Variants in ADAMTSL2 observed in about 807,000 individuals in gnomAD.
The protein encoded by ADAMTSL2 is ADAMTS-like protein 2.
In ADAMTSL2, 55 loss-of-function variants were observed where a neutral mutation model predicts 117.0. The observed-to-expected ratio is 0.47, with a 90% confidence interval of 0.38 to 0.59. The LOEUF is 0.59. Ranked by LOEUF, ADAMTSL2 falls within the 20% of genes least tolerant of loss-of-function variation. ADAMTSL2 has a pLI of 0.00. For missense variants in ADAMTSL2, 1,182 were observed against 1,354.5 expected, an observed-to-expected ratio of 0.87 and a Z score of 2.00; for synonymous variants, 572 against 566.4, an observed-to-expected ratio of 1.01 and a Z score of -0.14.
At chr9:133,570,264 C>G in intron 16 of ADAMTSL2, 67 bp from the exon 17 acceptor site, 1 of 1,516,382 alleles carries the variant, frequency 6.6e-7, no homozygotes, top group Non-Finnish European at 8.8e-7. Flanking sequence ...CCAGAGTCGC[C>G]GTGGGCCCTG....
Position 133,539,540 on chromosome 9 carries a change from G to A in ADAMTSL2, c.310-231G>A, listed in dbSNP as rs36138904. On this transcript the variant is annotated intron_variant, in intron 4 of 18. Coordinates refer to ENST00000651351, the MANE Select transcript of ADAMTSL2 (RefSeq NM_014694.4). ...TGGGAGGGTTGTGTCTAGAGTAGGC[G>A]GAGGGCTGGCGTGGGGGGCGGAGCT... 1.3e-4 allele frequency among the ~76,000 whole-genome samples: 18 copies of A among 141,278 alleles called. No homozygotes were observed. In the East Asian group the frequency reaches 2.7e-3, roughly 21 times the overall value. The allele number at this position is 141,278 out of a possible 152,430, so 92.7% of individuals were successfully genotyped here.
intron 12 of ADAMTSL2, among the ~76,000 whole-genome samples, chr9:133,563,834 A>G (rs1588301923): frequency 1.2e-4 from 11 of 91,774 alleles, no homozygotes; most frequent in African/African-American, 3.2e-4. Flanking sequence ...AGAGAGAGAG[A>G]GAGAGAGAGG....
chr9:133,554,675 A>G lies in ADAMTSL2; in HGVS notation c.1258A>G (p.Arg420Gly). Residue 420 changes from arginine to glycine, a missense_variant, in exon 10 of 19, where the codon AGG becomes GGG. Arg to Gly is a moderately radical substitution (Grantham distance 125, BLOSUM62 -2). Transcript: ENST00000651351. This position sits in a 1 kb window ranked among gnomAD's most constrained non-coding sequence, Gnocchi z 5.2. ...AGGGACEGPP[R>G]GKGFRDRNVT... The stretch of plus-strand genomic sequence containing the variant: ...CGGCGGGGCCTGCGAGGGGCCCCCC[A>G]GGGGCAAGGGCTTCCGAGGTAACCA... 5 of 1,507,732 alleles carry G rather than the reference A, an allele frequency of 3.3e-6. No homozygotes were observed. Among genetic ancestry groups the G allele is most frequent in the Admixed American group, 2.2e-5 (1 of 44,658 alleles). 93.4% of individuals were successfully genotyped at this position (1,507,732 alleles called of 1,614,324 possible). A position where few individuals can be genotyped will look rare whatever the true frequency, so the allele number is the denominator to read the frequency against.
In ADAMTSL2 at chr9:133,569,451, A is replaced by G; in HGVS notation, c.2288A>G (p.Tyr763Cys). 1 of 1,613,608 alleles carries G rather than the reference A, an allele frequency of 6.2e-7. No homozygotes were observed. The highest frequency in any genetic ancestry group is 8.5e-7 in the Non-Finnish European group (1 of 1,180,022). The stretch of plus-strand genomic sequence containing the variant: ...CAAGGCCGCACCATCAGGCACGTGT[A>G]CTGCAAGACCAGCGACGGACGGGTA... ...CGQGRTIRHV[Y>C]CKTSDGRVVP... Residue 763 changes from tyrosine to cysteine, a missense_variant, in exon 16 of 19, where the codon TAC becomes TGC. By Grantham distance (194) the Tyr-to-Cys change is radical (BLOSUM62 -2). Transcript: ENST00000651351.
At chr9:133,568,037 C>T (rs1025873686) in intron 13 of ADAMTSL2, among the ~76,000 whole-genome samples, 8 of 152,254 alleles carry the variant, frequency 5.3e-5, no homozygotes, top group Non-Finnish European at 1.0e-4. Flanking sequence ...CGAGCCCACG[C>T]TCAGGGCACC....
At chr9:133,551,715 T>C (rs1830487463) in intron 9 of ADAMTSL2, among the ~76,000 whole-genome samples, 1 of 151,930 alleles carries the variant, frequency 6.6e-6, no homozygotes, top group Admixed American at 6.6e-5. Flanking sequence ...TCCTATAGGA[T>C]CTGCCAGGTC....
intron 5 of ADAMTSL2, 77 bp from the exon 6 acceptor site, chr9:133,540,517 CAGAG>C: frequency 6.4e-7 from 1 of 1,554,906 alleles, no homozygotes; most frequent in East Asian, 2.3e-5. Context: ...GGAGCTGTCT[CAGAG>C]GGAGGAAAAG....
At position 133,573,996 on chromosome 9, in the gene ADAMTSL2, CG is replaced by C. The variant is rs1831170586; in HGVS notation, c.2737+13del. Reference sequence around the variant, plus strand: ...CCCCACGGAGCCCCCAGGTGAGGCGCGGGGAGGCCGAGGGTGGCTCTGGGAA... The same window carrying C: ...CCCCACGGAGCCCCCAGGTGAGGCGCGGGAGGCCGAGGGTGGCTCTGGGAA... On this transcript the variant is annotated intron_variant, in intron 18 of 18. Coordinates refer to ENST00000651351, the MANE Select transcript of ADAMTSL2 (RefSeq NM_014694.4). 1.2e-6 allele frequency: 2 copies of C among 1,610,074 alleles called. No individual in the cohort carries two copies. The highest frequency in any genetic ancestry group is 1.7e-6 in the Non-Finnish European group (2 of 1,178,524).
intron 6 of ADAMTSL2, 21 bp downstream of exon 6, chr9:133,540,764 A>G (rs370986439): frequency 1.3e-4 from 209 of 1,613,502 alleles, no homozygotes; most frequent in Non-Finnish European, 1.7e-4. Flanking sequence ...GTTGTAGCAA[A>G]AGTACCGCCG....
chr9:133,568,205 G>C, intron 13 of ADAMTSL2, 68 bp from the exon 14 acceptor site: 2 of 1,480,834 alleles, frequency 1.4e-6, no homozygotes, highest in Non-Finnish European at 1.8e-6. Flanking sequence ...TGTCTCTGGG[G>C]GTGTGGGTTG....
Position 133,537,558 on chromosome 9 carries a change from G to T in ADAMTSL2, c.233+11G>T. 1 of 1,344,188 alleles carries T rather than the reference G, an allele frequency of 7.4e-7. No individual in the cohort carries two copies. The highest frequency in any genetic ancestry group is 2.5e-5 in the South Asian group (1 of 40,202). 83.3% of individuals were successfully genotyped at this position (1,344,188 alleles called of 1,614,324 possible). ...CTGCCTGCAGCAGAGGTGCGAGGTT[G>T]GGCACGTGGCCCTGAGGGGATGGCA... On this transcript the variant is annotated intron_variant, in intron 3 of 18. Coordinates refer to ENST00000651351, the MANE Select transcript of ADAMTSL2 (RefSeq NM_014694.4).
intron 9 of ADAMTSL2, among the ~76,000 whole-genome samples, chr9:133,547,532 C>T (rs1395351530): frequency 6.6e-6 from 1 of 152,260 alleles, no homozygotes; most frequent in Non-Finnish European, 1.5e-5. Context: ...TCACCCACTT[C>T]TTGAAATCAT....
At chr9:133,573,762 G>A in intron 17 of ADAMTSL2, 81 bp from the exon 18 acceptor site, 1 of 1,561,978 alleles carries the variant, frequency 6.4e-7, no homozygotes, top group Non-Finnish European at 8.8e-7. Context: ...GGAAGGGGGA[G>A]TGTGCAGGTT....
At chr9:133,570,584 C>T in intron 17 of ADAMTSL2, 77 bp downstream of exon 17, 1 of 1,486,016 alleles carries the variant, frequency 6.7e-7, no homozygotes. Context: ...CGCCTCAAGC[C>T]TCCTTAAGTG....
intron 12 of ADAMTSL2, among the ~76,000 whole-genome samples, chr9:133,566,207 C>G (rs1830969384): frequency 6.6e-6 from 1 of 152,174 alleles, no homozygotes; most frequent in Non-Finnish European, 1.5e-5. Flanking sequence ...TTTGGGAGGC[C>G]AAGGCGGGCG....
At chr9:133,561,123 C>T (rs1386370584) in intron 11 of ADAMTSL2, 75 bp from the exon 12 acceptor site, 1 of 1,318,498 alleles carries the variant, frequency 7.6e-7, no homozygotes, top group Non-Finnish European at 1.1e-6. Context: ...AGAAAACTCC[C>T]TCGCCTGAAA....
Position 133,542,441 on chromosome 9 carries a change from C to T in ADAMTSL2, c.682+1440C>T, listed in dbSNP as rs929371159. Among the ~76,000 whole-genome samples the T allele has an allele frequency of 4.6e-5, 7 of 152,278 alleles. No homozygotes were observed. In the East Asian group the frequency reaches 7.7e-4, roughly 17 times the overall value. ...AGGGAGAGTGGGCATTGGGGCAGCA[C>T]GTGTCTTGTAGGGCACGTAGTGTGT... On this transcript the variant is annotated intron_variant, in intron 7 of 18. Transcript: ENST00000651351.
At chr9:133,532,896 T>G (rs1388608453), upstream of ADAMTSL2, among the ~76,000 whole-genome samples, 2 of 152,132 alleles carry the variant, frequency 1.3e-5, no homozygotes, top group Non-Finnish European at 2.9e-5. Context: ...GTCTCCCAGG[T>G]GGCCAGCCTG....
At chr9:133,552,293 C>G (rs1384131430) in intron 9 of ADAMTSL2, among the ~76,000 whole-genome samples, 1 of 152,138 alleles carries the variant, frequency 6.6e-6, no homozygotes, top group East Asian at 1.9e-4. Context: ...GGAACCCTGA[C>G]ATTTCCACTA....
Sources: allele counts gnomAD v4.1 joint callset (sites outside exome capture counted in the v4.1 genomes callset), GRCh38; gene constraint gnomAD v4.1.1; non-coding constraint Gnocchi (gnomAD v3.1); transcripts MANE v1.5; gene names NCBI Gene and HGNC (gene_info 2026-07-23, HGNC 2026-07-21).